The following DIS3L2 variants were observed in gnomAD, a reference collection of about 807,000 sequenced individuals.
DIS3L2 encodes DIS3-like exonuclease 2.
DIS3L2 carries 34 observed loss-of-function variants against 97.5 expected under a neutral mutation model. The observed-to-expected ratio is 0.35, with a 90% CI of 0.27 to 0.46. The LOEUF (loss-of-function observed/expected upper bound fraction) is 0.46. Among genes scored for constraint, DIS3L2 ranks in the 20% least tolerant of loss-of-function variants. The pLI, the probability that DIS3L2 is intolerant of heterozygous loss-of-function variation, is 1.00. For missense variants in DIS3L2, 1,038 were observed against 1,146.0 expected (o/e 0.91, Z 1.36); for synonymous variants, 435 against 445.2 (o/e 0.98, Z 0.29).
Position 232,333,865 on chromosome 2 carries a change from T to C in DIS3L2, c.2036T>C (p.Leu679Pro), listed in dbSNP as rs777508887. The change falls in exon 17 of 21, where the codon CTG becomes CCG. Residue 679 changes from leucine (L) to proline (P), a missense_variant. By Grantham distance (98) the Leu-to-Pro change is moderately conservative. This residue lies in a region of DIS3L2 where 813 missense variants were observed against 880.1 expected (regional missense o/e 0.92). Coordinates refer to ENST00000325385, the MANE Select transcript of DIS3L2 (RefSeq NM_152383.5). ...MQMALYFCSG[L>P]LQDPAQFRHY... The stretch of plus-strand genomic sequence containing the variant: ...ATGGCACTGTACTTCTGCTCGGGGC[T>C]GCTGCAGGACCCAGCGCAGTTCCGG... 21 of 1,612,616 alleles carry C rather than the reference T, an allele frequency of 1.3e-5. No individual in the cohort carries two copies. Among genetic ancestry groups the C allele is most frequent in the Admixed American group, 3.3e-5 (2 of 59,994 alleles).
At position 232,087,573 on chromosome 2, in the gene DIS3L2, G is replaced by A. The variant is rs567611268; in HGVS notation, c.453G>A (p.Pro151=). The change falls in exon 6 of 21, where the codon CCG becomes CCA. Residue 151 remains proline (P), a synonymous_variant. Coordinates refer to ENST00000325385, the MANE Select transcript of DIS3L2 (RefSeq NM_152383.5). Reference sequence around the variant, plus strand: ...AGGAGCTCTGTGGACACCATCTCCCGCAACAGTCCCTGAAAAGCTATAATG... The same window carrying A: ...AGGAGCTCTGTGGACACCATCTCCCACAACAGTCCCTGAAAAGCTATAATG... ...IPEELCGHHL[P]QQSLKSYNDS... is the part of the protein sequence containing the mutation. The A allele has an allele frequency of 4.1e-5, 66 of 1,613,864 alleles. No individual in the cohort carries two copies. The highest frequency in any genetic ancestry group is 3.8e-4 in the South Asian group (35 of 91,076).
At chr2:232,190,692 C>T (rs1354407655) in intron 9 of DIS3L2, among the ~76,000 whole-genome samples, 2 of 152,064 alleles carry the variant, frequency 1.3e-5, no homozygotes, top group Non-Finnish European at 2.9e-5. Flanking sequence ...GTCTAGATTA[C>T]AGATACCTGT....
chr2:231,981,911 G>A (rs1334236441), intron 1 of DIS3L2, among the ~76,000 whole-genome samples: 1 of 151,354 alleles, frequency 6.6e-6, no homozygotes, highest in Non-Finnish European at 1.5e-5. Flanking sequence ...GTGCGTGCCT[G>A]TAATCCCAGC....
intron 6 of DIS3L2, among the ~76,000 whole-genome samples, chr2:232,102,617 G>T (rs1381984811): frequency 6.6e-6 from 1 of 152,200 alleles, no homozygotes; most frequent in Non-Finnish European, 1.5e-5. Context: ...AATCAAGAGA[G>T]AATGGGTGCA....
chr2:232,333,486 C>CCTGA (rs1695831792), intron 16 of DIS3L2, among the ~76,000 whole-genome samples: 1 of 152,160 alleles, frequency 6.6e-6, no homozygotes, highest in Admixed American at 6.5e-5. Context: ...TGCCCCCTAC[C>CCTGA]CTGACAGCAT....
intron 10 of DIS3L2, among the ~76,000 whole-genome samples, chr2:232,237,434 A>G (rs2106250797): frequency 6.6e-6 from 1 of 152,334 alleles, no homozygotes; most frequent in African/African-American, 2.4e-5. Context: ...TGATTCATTC[A>G]TTCAACAAGT....
At chr2:232,060,832 T>G (rs931887199) in intron 5 of DIS3L2, among the ~76,000 whole-genome samples, 1 of 152,192 alleles carries the variant, frequency 6.6e-6, no homozygotes. Context: ...TCAATTTCTA[T>G]CATCAGTGTT....
intron 1 of DIS3L2, among the ~76,000 whole-genome samples, chr2:231,976,854 G>A (rs1693112155): frequency 7.0e-6 from 1 of 142,606 alleles, no homozygotes; most frequent in Admixed American, 7.5e-5. Flanking sequence ...TGCAGGCTCC[G>A]CCTCCCGGGT....
chr2:232,136,163 T>C (rs1698353028), intron 7 of DIS3L2, among the ~76,000 whole-genome samples: 1 of 152,198 alleles, frequency 6.6e-6, no homozygotes, highest in South Asian at 2.1e-4. Flanking sequence ...GTGAAACAAA[T>C]ACCTGGAGCT....
chr2:232,133,597 G>A (rs1303582917), intron 7 of DIS3L2, among the ~76,000 whole-genome samples: 1 of 152,106 alleles, frequency 6.6e-6, no homozygotes, highest in East Asian at 1.9e-4. Context: ...ACCCAACAAT[G>A]ATTTAAAAAT....
At chr2:232,141,780 A>G (rs1011894216) in intron 8 of DIS3L2, among the ~76,000 whole-genome samples, 18 of 152,200 alleles carry the variant, frequency 1.2e-4, no homozygotes, top group African/African-American at 4.1e-4. Context: ...GTTGTTAGCC[A>G]GTCAGCAATA....
intron 14 of DIS3L2, among the ~76,000 whole-genome samples, chr2:232,324,575 T>A (rs572115694): frequency 6.6e-6 from 1 of 151,990 alleles, no homozygotes; most frequent in Non-Finnish European, 1.5e-5. Flanking sequence ...GTGAGGTGAG[T>A]TTGTCAGCAC....
At chr2:232,155,647 A>G (rs904746202) in intron 8 of DIS3L2, among the ~76,000 whole-genome samples, 1 of 152,106 alleles carries the variant, frequency 6.6e-6, no homozygotes, top group African/African-American at 2.4e-5. Flanking sequence ...CTTCATCTCT[A>G]GCTCCTTCCT....
At chr2:232,083,361 A>G (rs1020322195) in intron 5 of DIS3L2, among the ~76,000 whole-genome samples, 1 of 150,934 alleles carries the variant, frequency 6.6e-6, no homozygotes, top group Admixed American at 6.6e-5. Context: ...ATTGTATAAC[A>G]AAGTCAGAAT....
intron 8 of DIS3L2, among the ~76,000 whole-genome samples, chr2:232,149,453 T>C (rs1262068737): frequency 7.3e-6 from 1 of 137,616 alleles, no homozygotes; most frequent in Non-Finnish European, 1.5e-5. Context: ...CGGTGTTTGG[T>C]TTTTTGTTCT....
At chr2:232,272,382 G>A (rs1694030903) in intron 13 of DIS3L2, among the ~76,000 whole-genome samples, 1 of 152,198 alleles carries the variant, frequency 6.6e-6, no homozygotes, top group Non-Finnish European at 1.5e-5. Context: ...TAAGATAAAA[G>A]CAAGGGCACA....
chr2:232,281,750 T>C lies in DIS3L2; in HGVS notation c.1660-18290T>C, dbSNP rs934846655. 3.3e-5 allele frequency among the ~76,000 whole-genome samples: 5 copies of C among 152,134 alleles called. No homozygotes were observed. The highest frequency in any genetic ancestry group is 1.2e-4 in the African/African-American group (5 of 41,434). On this transcript the variant is annotated intron_variant, in intron 13 of 20. Transcript: ENST00000325385. The surrounding 1 kb of genome is among the most constrained non-coding windows in gnomAD (Gnocchi z 4.1). ...CCACCCAGGGGAGGAAGAGCAGGCA[T>C]TGGGTGGAGACCCTCCAGGCTTGAG...
intron 10 of DIS3L2, among the ~76,000 whole-genome samples, chr2:232,223,673 G>A (rs1194576849): frequency 1.3e-5 from 2 of 152,112 alleles, no homozygotes; most frequent in African/African-American, 4.8e-5. Flanking sequence ...ACATCAAGGG[G>A]GATAATAATA....
chr2:232,303,457 A>ATT (rs1205355755), intron 14 of DIS3L2, among the ~76,000 whole-genome samples: 2 of 152,232 alleles, frequency 1.3e-5, no homozygotes, highest in African/African-American at 4.8e-5. Context: ...AATTCTACAG[A>ATT]TGAAAAAGCT....
Sources: gnomAD v4.1 joint callset for allele counts (sites outside exome capture counted in the v4.1 genomes callset) on GRCh38, gnomAD v4.1.1 for gene constraint, gnomAD v4.1.1 regional missense constraint, Gnocchi (gnomAD v3.1) non-coding constraint, MANE v1.5 for transcripts, NCBI Gene and HGNC (gene_info 2026-07-23, HGNC 2026-07-21) for gene names.